PRRC2C: variants seen among roughly 807,000 people sequenced by gnomAD.
PRRC2C encodes proline rich coiled-coil 2C, also known as protein PRRC2C.
PRRC2C carries 72 observed loss-of-function variants against 317.2 expected under a neutral mutation model. The observed-to-expected ratio is 0.23, with a 90% CI of 0.19 to 0.28. The LOEUF (loss-of-function observed/expected upper bound fraction) is 0.28, where lower values mean the gene tolerates loss of function less well. Ranked by LOEUF, PRRC2C falls within the 10% of genes least tolerant of loss-of-function variation. The probability of loss-of-function intolerance (pLI) is 1.00; values close to 1 mark genes in which losing one functional copy is unlikely to be tolerated. For synonymous variants in PRRC2C, 1,296 were observed against 1,205.9 expected (o/e 1.07, Z -1.55); for missense variants, 3,074 against 3,459.7 (o/e 0.89, Z 2.80).
At chr1:171,505,540 A>G (rs1218174518) in intron 1 of PRRC2C, among the ~76,000 whole-genome samples, 2 of 150,898 alleles carry the variant, frequency 1.3e-5, no homozygotes, top group Non-Finnish European at 2.9e-5. Context: ...TATCCCTTCC[A>G]ATTTGAATTT....
chr1:171,531,772 T>C (rs1350014830), intron 11 of PRRC2C, among the ~76,000 whole-genome samples: 2 of 152,192 alleles, frequency 1.3e-5, no homozygotes, highest in Non-Finnish European at 2.9e-5. Context: ...TTCTGGATCT[T>C]TCAGTCTAAA....
chr1:171,583,255 T>C (rs1454370392), intron 28 of PRRC2C, among the ~76,000 whole-genome samples: 1 of 152,220 alleles, frequency 6.6e-6, no homozygotes, highest in Non-Finnish European at 1.5e-5. Flanking sequence ...ATTATGAGCA[T>C]GAACACCATG....
rs751636574 is a variant in PRRC2C, at chr1:171,514,597, C to T, written c.352C>T (p.Pro118Ser). The stretch of plus-strand genomic sequence containing the variant: ...GGTTGCAGCTCCCCCAGAAGTAGCA[C>T]CTGCTCCCAAATCATGGGCCAGTAA... ...PGVAAPPEVA[P>S]APKSWASNKQ... is the part of the protein sequence containing the mutation. The change falls in exon 4 of 35, where the codon CCT becomes TCT. Residue 118 changes from proline (P) to serine (S), a missense_variant. By Grantham distance (74) the Pro-to-Ser change is moderately conservative. This residue lies in a region of PRRC2C where 237 missense variants were observed against 199.5 expected (regional missense o/e 1.19). Coordinates refer to ENST00000647382, the MANE Select transcript of PRRC2C (RefSeq NM_001387844.1). The T allele has an allele frequency of 1.4e-5, 22 of 1,562,144 alleles. No homozygotes were observed. The Admixed American group carries it at 3.6e-4, about 26-fold the overall frequency.
At position 171,532,949 on chromosome 1, in the gene PRRC2C, A is replaced by G; in HGVS notation, c.1861A>G (p.Ser621Gly). The G allele has an allele frequency of 6.4e-7, 1 of 1,553,704 alleles. No individual in the cohort carries two copies. Among genetic ancestry groups the G allele is most frequent in the Non-Finnish European group, 8.6e-7 (1 of 1,161,534 alleles). Residue 621 changes from serine (S) to glycine (G), a missense_variant, in exon 12 of 35, where the codon AGC becomes GGC. Ser to Gly is a moderately conservative substitution (Grantham distance 56). Transcript: ENST00000647382. ...GGTAGAAAAACAAGAAAGTGAAAAC[A>G]GCTGTAATAAAGGTTTGATAGTATT... ...PMVEKQESEN[S>G]CNKEEEPVFT...
Position 171,541,650 on chromosome 1 carries a change from G to C in PRRC2C, c.4184G>C (p.Arg1395Thr). 1 of 1,613,792 alleles carries C rather than the reference G, an allele frequency of 6.2e-7. No individual in the cohort carries two copies. The highest frequency in any genetic ancestry group is 8.5e-7 in the Non-Finnish European group (1 of 1,179,874). ...CCAGAAGATGGAGAGCCGCCAAGAA[G>C]ACATGAGCAGTTTATTCCTATAGCA... is the stretch of plus-strand genomic sequence containing the variant. The part of the protein sequence containing the change: ...PKPEDGEPPR[R>T]HEQFIPIAAD... Residue 1395 changes from arginine (R) to threonine (T), a missense_variant, in exon 16 of 35, where the codon AGA (arginine) becomes ACA (threonine). Transcript: ENST00000647382. The surrounding 1 kb of genome is among the most constrained non-coding windows in gnomAD (Gnocchi z 4.1).
chr1:171,528,554 G>C (rs1675156055), intron 11 of PRRC2C, among the ~76,000 whole-genome samples: 1 of 152,070 alleles, frequency 6.6e-6, no homozygotes, highest in African/African-American at 2.4e-5. Context: ...GCCTCCCAAA[G>C]TGCTGGGATT....
intron 19 of PRRC2C, among the ~76,000 whole-genome samples, chr1:171,558,624 C>A (rs1293353424): frequency 6.6e-6 from 1 of 152,106 alleles, no homozygotes; most frequent in Non-Finnish European, 1.5e-5. Context: ...CCATGAACAC[C>A]CAAATAAGAT....
chr1:171,552,534 T>C (rs1680473912), intron 18 of PRRC2C, among the ~76,000 whole-genome samples: 1 of 152,218 alleles, frequency 6.6e-6, no homozygotes, highest in African/African-American at 2.4e-5. Context: ...CATCCCTGTC[T>C]TGTGCCAGTT....
In PRRC2C at chr1:171,512,274, GA is replaced by G. The variant is rs774460194; in HGVS notation, c.112+75del. 26 of 1,064,682 alleles carry G rather than the reference GA, an allele frequency of 2.4e-5. No individual in the cohort carries two copies. In the Middle Eastern group the frequency reaches 8.1e-4, roughly 33 times the overall value. 66.0% of individuals were successfully genotyped at this position (1,064,682 alleles called of 1,614,324 possible). The stretch of plus-strand genomic sequence containing the variant: ...CTATAAGTGATACACCTGCTGCTAT[GA>G]GAAGCTAGGATGTACCCAAGTTAAT... On this transcript the variant is annotated intron_variant, in intron 2 of 34. Coordinates refer to ENST00000647382, the MANE Select transcript of PRRC2C (RefSeq NM_001387844.1).
chr1:171,560,173 C>G (rs1682377765), intron 19 of PRRC2C, among the ~76,000 whole-genome samples: 3 of 152,188 alleles, frequency 2.0e-5, no homozygotes, highest in Non-Finnish European at 4.4e-5. Flanking sequence ...ATTAGTGATT[C>G]ATGGGAGGAT....
intron 17 of PRRC2C, among the ~76,000 whole-genome samples, chr1:171,547,385 T>TAC (rs1402737368): frequency 1.3e-5 from 2 of 152,132 alleles, no homozygotes; most frequent in Non-Finnish European, 2.9e-5. Context: ...AGATAGGCTT[T>TAC]ACACACACAC....
intron 18 of PRRC2C, among the ~76,000 whole-genome samples, chr1:171,553,444 G>C (rs1680715055): frequency 6.6e-6 from 1 of 151,150 alleles, no homozygotes; most frequent in Non-Finnish European, 1.5e-5. Context: ...TTTTTTGAAG[G>C]GTTTCTTTGT....
At chr1:171,571,952 A>C (rs1333004368) in intron 24 of PRRC2C, among the ~76,000 whole-genome samples, 6 of 152,078 alleles carry the variant, frequency 3.9e-5, no homozygotes, top group Admixed American at 1.3e-4. Context: ...ATAATTATTT[A>C]ATAAGAGGAC....
intron 1 of PRRC2C, chr1:171,511,044 T>C (rs1671278061): frequency 2.0e-5 from 3 of 152,166 alleles, no homozygotes; most frequent in African/African-American, 7.2e-5. Flanking sequence ...AAAAGTAAAG[T>C]GGATATAGGC....
At chr1:171,548,762 AGTTGTT>A (rs1679638939) in intron 17 of PRRC2C, among the ~76,000 whole-genome samples, 1 of 152,242 alleles carries the variant, frequency 6.6e-6, no homozygotes, top group South Asian at 2.1e-4. Flanking sequence ...AATGATCTTG[AGTTGTT>A]CATCACCTAG....
chr1:171,581,764 T>G (rs1465719128), intron 28 of PRRC2C, among the ~76,000 whole-genome samples: 1 of 152,262 alleles, frequency 6.6e-6, no homozygotes. Flanking sequence ...TAAAGACTGC[T>G]ATGATCCTAG....
At chr1:171,568,860 A>G (rs1479736010) in intron 23 of PRRC2C, among the ~76,000 whole-genome samples, 3 of 152,210 alleles carry the variant, frequency 2.0e-5, no homozygotes, top group African/African-American at 7.2e-5. Flanking sequence ...TATTGTATAC[A>G]TAAGTACGCC....
At position 171,513,134 on chromosome 1, in the gene PRRC2C, A is replaced by G; in HGVS notation, c.252A>G (p.Thr84=). Residue 84 remains threonine (T), a synonymous_variant, in exon 3 of 35, where the codon ACA becomes ACG. Coordinates refer to ENST00000647382, the MANE Select transcript of PRRC2C (RefSeq NM_001387844.1). ...TAAACATTGTACCTAAAGATGGCAC[A>G]GGGTGGGCATCAAAACAAGAGCAAC... ...PNVNIVPKDG[T]GWASKQEQHE... is the part of the protein sequence containing the mutation. 6.2e-7 allele frequency: 1 copy of G among 1,613,230 alleles called. No individual in the cohort carries two copies. Among genetic ancestry groups the G allele is most frequent in the Non-Finnish European group, 8.5e-7 (1 of 1,179,620 alleles).
At chr1:171,514,480 T>C (rs998423707) in intron 3 of PRRC2C, 56 bp from the exon 4 acceptor site, 6 of 1,313,588 alleles carry the variant, frequency 4.6e-6, no homozygotes, top group African/African-American at 4.5e-5. Flanking sequence ...AAATATAATA[T>C]TGATTTTATT....
Sources: gnomAD v4.1 joint callset for allele counts (sites outside exome capture counted in the v4.1 genomes callset) on GRCh38, gnomAD v4.1.1 for gene constraint, gnomAD v4.1.1 regional missense constraint, Gnocchi (gnomAD v3.1) non-coding constraint, MANE v1.5 for transcripts, NCBI Gene and HGNC (gene_info 2026-07-23, HGNC 2026-07-21) for gene names.